The following PARN variants were observed in gnomAD, a reference collection of about 807,000 sequenced individuals.
The protein encoded by PARN is poly(A)-specific ribonuclease PARN.
Under a neutral mutation model 102.8 loss-of-function variants are expected in PARN, and 71 were observed. That is an observed-to-expected ratio of 0.69 (90% CI 0.57 to 0.84). The LOEUF (loss-of-function observed/expected upper bound fraction) is 0.84. Among genes scored for constraint, PARN ranks in the 40% least tolerant of loss-of-function variants. The pLI, the probability that PARN is intolerant of heterozygous loss-of-function variation, is 0.00. For synonymous variants in PARN, 261 were observed against 252.9 expected (o/e 1.03, Z -0.30); for missense variants, 782 against 760.9 (o/e 1.03, Z -0.33).
intron 22 of PARN, among the ~76,000 whole-genome samples, chr16:14,448,071 G>A (rs539071224): frequency 1.4e-4 from 21 of 151,954 alleles, no homozygotes; most frequent in South Asian, 4.2e-4. Flanking sequence ...TGTAGCCTCC[G>A]CCTCCCGGAT....
intron 3 of PARN, among the ~76,000 whole-genome samples, 178 bp downstream of exon 3, chr16:14,627,994 C>A (rs1237429547): frequency 1.3e-5 from 2 of 151,894 alleles, no homozygotes; most frequent in Non-Finnish European, 2.9e-5. Flanking sequence ...GGTGACAGAG[C>A]GAGACCTTGT....
At chr16:14,464,869 C>T (rs978988022) in intron 22 of PARN, among the ~76,000 whole-genome samples, 7 of 151,968 alleles carry the variant, frequency 4.6e-5, no homozygotes, top group Non-Finnish European at 1.0e-4. Context: ...CCAGTCTGGG[C>T]AACATAGTGA....
Position 14,610,683 on chromosome 16 carries a change from G to GT in PARN, c.514dup (p.Thr172AsnfsTer4). ...AAACTTCTTTTGATCCTCAGGAATC[G>GT]TGACAGGACATTTTGAAGTGTTAGG... On this transcript the variant is annotated frameshift_variant, in exon 7 of 24. Transcript: ENST00000437198. LOFTEE classifies it high-confidence loss of function. The GT allele has an allele frequency of 6.2e-7, 1 of 1,610,574 alleles. No individual in the cohort carries two copies. The highest frequency in any genetic ancestry group is 8.5e-7 in the Non-Finnish European group (1 of 1,176,872).
intron 13 of PARN, among the ~76,000 whole-genome samples, chr16:14,590,519 C>T (rs1970128372): frequency 6.6e-6 from 1 of 151,246 alleles, no homozygotes; most frequent in Non-Finnish European, 1.5e-5. Context: ...TCTGTAATCC[C>T]AGCTCCTCAG....
intron 21 of PARN, among the ~76,000 whole-genome samples, chr16:14,501,044 C>T (rs1462731713): frequency 6.6e-6 from 1 of 151,902 alleles, no homozygotes; most frequent in Non-Finnish European, 1.5e-5. Flanking sequence ...ATAATTTTAA[C>T]TAATATAAAA....
At chr16:14,581,836 A>G (rs1208176666) in intron 17 of PARN, among the ~76,000 whole-genome samples, 1 of 152,212 alleles carries the variant, frequency 6.6e-6, no homozygotes, top group African/African-American at 2.4e-5. Context: ...CCAGGAGTTC[A>G]GCGTTGCAGT....
intron 22 of PARN, among the ~76,000 whole-genome samples, chr16:14,475,030 A>G (rs1264450787): frequency 6.6e-6 from 1 of 152,218 alleles, no homozygotes; most frequent in Non-Finnish European, 1.5e-5. Context: ...ATGCATTAGC[A>G]TTTCCTACCT....
At chr16:14,577,757 T>A (rs1050621125) in intron 18 of PARN, among the ~76,000 whole-genome samples, 4 of 152,036 alleles carry the variant, frequency 2.6e-5, no homozygotes, top group Non-Finnish European at 5.9e-5. Context: ...AACCTCTGCC[T>A]CCTGGGTTCA....
intron 10 of PARN, among the ~76,000 whole-genome samples, chr16:14,604,516 C>A (rs1387224667): frequency 1.3e-5 from 2 of 152,148 alleles, no homozygotes; most frequent in African/African-American, 4.8e-5. Flanking sequence ...CCGCCTCAGT[C>A]TCCCAAAGTG....
chr16:14,472,571 G>A (rs1029297284), intron 22 of PARN, among the ~76,000 whole-genome samples: 9 of 152,188 alleles, frequency 5.9e-5, no homozygotes, highest in South Asian at 4.1e-4. Context: ...AGGTGGTGGC[G>A]GGTTAGCAGG....
At chr16:14,504,138 A>G (rs1964765701) in intron 21 of PARN, among the ~76,000 whole-genome samples, 1 of 152,250 alleles carries the variant, frequency 6.6e-6, no homozygotes, top group Non-Finnish European at 1.5e-5. Flanking sequence ...ATCTGAAATG[A>G]GGACTAATTT....
chr16:14,439,846 CT>C (rs1320828517), intron 23 of PARN, among the ~76,000 whole-genome samples: 2 of 152,138 alleles, frequency 1.3e-5, no homozygotes, highest in Non-Finnish European at 2.9e-5. Flanking sequence ...AAACCCATCT[CT>C]ACTAAAAAAG....
chr16:14,529,255 A>G (rs777948326), intron 21 of PARN, among the ~76,000 whole-genome samples: 6 of 152,192 alleles, frequency 3.9e-5, no homozygotes, highest in Non-Finnish European at 8.8e-5. Flanking sequence ...AAGCATTTCA[A>G]TGTTTTACTT....
intron 21 of PARN, among the ~76,000 whole-genome samples, chr16:14,538,062 G>A (rs772331729): frequency 3.3e-5 from 5 of 151,880 alleles, no homozygotes; most frequent in South Asian, 2.1e-4. Flanking sequence ...AAATATGTAC[G>A]TACAATGATC....
rs1347974438 is a variant in PARN, at chr16:14,436,535, A to C, written c.*182T>G. Reference sequence around the variant, plus strand: ...TCAATGTCAACAGGCAGTTAGATTAAAAAGGGGAAAAAACCACAGCCACAA... The same window carrying C: ...TCAATGTCAACAGGCAGTTAGATTACAAAGGGGAAAAAACCACAGCCACAA... On this transcript the variant is annotated 3_prime_UTR_variant, in exon 24 of 24. Coordinates refer to ENST00000437198, the MANE Select transcript of PARN (RefSeq NM_002582.4). The C allele has an allele frequency of 1.2e-5, 7 of 607,238 alleles. No homozygotes were observed. The East Asian group carries it at 1.9e-4, about 17-fold the overall frequency. The allele number at this position is 607,238 out of a possible 1,614,324, so 37.6% of individuals were successfully genotyped here.
chr16:14,565,315 T>C (rs914872397), intron 18 of PARN, among the ~76,000 whole-genome samples: 1 of 151,878 alleles, frequency 6.6e-6, no homozygotes, highest in African/African-American at 2.4e-5. Flanking sequence ...GTTTTCAATC[T>C]AGCCACTTGC....
At chr16:14,617,009 A>T (rs183618773) in intron 6 of PARN, among the ~76,000 whole-genome samples, 2 of 151,610 alleles carry the variant, frequency 1.3e-5, no homozygotes, top group Non-Finnish European at 2.9e-5. Context: ...GAAAGGCCTT[A>T]TCAGAGTTAA....
chr16:14,495,498 T>C (rs1050059565), intron 21 of PARN, among the ~76,000 whole-genome samples: 1 of 152,124 alleles, frequency 6.6e-6, no homozygotes, highest in Non-Finnish European at 1.5e-5. Context: ...GTCAGAGTAC[T>C]GAGCACTCAG....
intron 21 of PARN, among the ~76,000 whole-genome samples, chr16:14,499,426 T>C (rs1210018801): frequency 1.3e-5 from 2 of 152,180 alleles, no homozygotes; most frequent in Non-Finnish European, 2.9e-5. Context: ...ACTGCTTTTA[T>C]TAATAGAAGG....
Sources: allele counts gnomAD v4.1 joint callset (sites outside exome capture counted in the v4.1 genomes callset), GRCh38; gene constraint gnomAD v4.1.1; transcripts MANE v1.5; gene names NCBI Gene and HGNC (gene_info 2026-07-23, HGNC 2026-07-21).